LARGE1: variants seen among roughly 807,000 people sequenced by gnomAD.
The protein encoded by LARGE1 is LARGE xylosyl- and glucuronyltransferase 1.
In LARGE1, 43 loss-of-function variants were observed where a neutral mutation model predicts 87.6. The observed-to-expected ratio is 0.49, with a 90% CI of 0.38 to 0.63. The LOEUF (loss-of-function observed/expected upper bound fraction) is 0.63. Among genes scored for constraint, LARGE1 ranks in the 30% least tolerant of loss-of-function variants. The pLI is 0.00. For missense variants in LARGE1, 802 were observed against 1,000.2 expected (o/e 0.80, Z 2.67); for synonymous variants, 434 against 394.6 (o/e 1.10, Z -1.18).
At chr22:33,474,780 T>C (rs1390767411) in intron 6 of LARGE1, among the ~76,000 whole-genome samples, 4 of 151,930 alleles carry the variant, frequency 2.6e-5, no homozygotes, top group Non-Finnish European at 2.9e-5. Flanking sequence ...ATAAGGAGTG[T>C]GGAAAAAGAG....
chr22:33,238,410 C>T (rs375803135), intron 11 of LARGE1, among the ~76,000 whole-genome samples: 9 of 152,092 alleles, frequency 5.9e-5, no homozygotes, highest in East Asian at 5.8e-4. Flanking sequence ...AATCATAGGG[C>T]GTGATTTGAC....
In LARGE1 at chr22:33,384,180, C is replaced by A. The variant is rs1030394513; in HGVS notation, c.1005+12G>T. The A allele has an allele frequency of 4.4e-6, 7 of 1,596,400 alleles. No individual in the cohort carries two copies. The Admixed American group carries it at 6.7e-5, about 15-fold the overall frequency. ...CTCAGGAATAGCTGCACCTTCGAACCTGGCCACTCACCTGGTCAGCTAAGG... is the reference window on the plus strand; with the variant it reads ...CTCAGGAATAGCTGCACCTTCGAACATGGCCACTCACCTGGTCAGCTAAGG... On this transcript the variant is annotated intron_variant, in intron 8 of 14. Transcript: ENST00000397394.
At chr22:33,146,001 C>A in the LARGE1 span, among the ~76,000 whole-genome samples, 1 of 152,126 alleles carries the variant, frequency 6.6e-6, no homozygotes, top group Non-Finnish European at 1.5e-5. Flanking sequence ...ATTGAATACA[C>A]CATGAAAACT....
chr22:33,415,721 G>A (rs1216432693), intron 7 of LARGE1, among the ~76,000 whole-genome samples: 2 of 152,154 alleles, frequency 1.3e-5, no homozygotes, highest in Non-Finnish European at 2.9e-5. Context: ...CTGTGGATGG[G>A]AGCTTCTGCA....
chr22:33,663,925 G>T (rs868665383), intron 2 of LARGE1, among the ~76,000 whole-genome samples: 2 of 152,180 alleles, frequency 1.3e-5, no homozygotes, highest in Non-Finnish European at 2.9e-5. Flanking sequence ...TCCAACACCT[G>T]GCTCAATAAT....
intron 6 of LARGE1, among the ~76,000 whole-genome samples, chr22:33,559,103 T>C (rs1370788813): frequency 6.6e-6 from 1 of 152,364 alleles, no homozygotes. Flanking sequence ...ATTTATTGCT[T>C]GCAGTTCTAG....
intron 2 of LARGE1, among the ~76,000 whole-genome samples, chr22:33,713,614 C>T (rs969935590): frequency 2.6e-5 from 4 of 151,534 alleles, no homozygotes; most frequent in East Asian, 1.9e-4. Flanking sequence ...CATAAATGAT[C>T]GATCCATGTA....
At chr22:33,449,691 T>C (rs2067832498) in intron 6 of LARGE1, among the ~76,000 whole-genome samples, 1 of 152,240 alleles carries the variant, frequency 6.6e-6, no homozygotes, top group African/African-American at 2.4e-5. Context: ...GCCTGGTATA[T>C]ATGCGTCTCA....
intron 1 of LARGE1, among the ~76,000 whole-genome samples, chr22:33,881,029 T>A (rs1041900009): frequency 3.3e-5 from 5 of 152,074 alleles, no homozygotes; most frequent in African/African-American, 1.2e-4. Flanking sequence ...CAAACTGTCC[T>A]TGTCTACTTA....
chr22:33,583,644 G>A (rs2078584566), intron 5 of LARGE1, among the ~76,000 whole-genome samples: 1 of 152,108 alleles, frequency 6.6e-6, no homozygotes, highest in Admixed American at 6.5e-5. Context: ...AATAGGTCAG[G>A]GACATTGATT....
At chr22:33,840,271 T>C (rs554033210) in intron 1 of LARGE1, among the ~76,000 whole-genome samples, 2 of 152,218 alleles carry the variant, frequency 1.3e-5, no homozygotes, top group South Asian at 4.1e-4. Flanking sequence ...GGAAAAATAA[T>C]AGAATCCATG....
At chr22:33,140,964 C>A in the LARGE1 span, among the ~76,000 whole-genome samples, 1 of 151,856 alleles carries the variant, frequency 6.6e-6, no homozygotes, top group East Asian at 1.9e-4. Flanking sequence ...TACTACATGC[C>A]CTTAGGACAA....
intron 1 of LARGE1, among the ~76,000 whole-genome samples, chr22:33,909,745 A>G (rs1305016785): frequency 6.6e-6 from 1 of 151,772 alleles, no homozygotes; most frequent in Non-Finnish European, 1.5e-5. Context: ...TCACCGCGTT[A>G]GTCAAGATGG....
At chr22:33,270,355 C>T (rs1160982245), downstream of LARGE1, among the ~76,000 whole-genome samples, 3 of 152,046 alleles carry the variant, frequency 2.0e-5, no homozygotes, top group Admixed American at 6.6e-5. Flanking sequence ...CATGAAGATA[C>T]GACTGTACAA....
At chr22:33,834,918 GTTAATA>G (rs1178412610) in intron 1 of LARGE1, among the ~76,000 whole-genome samples, 3 of 152,214 alleles carry the variant, frequency 2.0e-5, no homozygotes, top group Non-Finnish European at 2.9e-5. Flanking sequence ...TTTCTATCAT[GTTAATA>G]TGCCTCAGCG....
At chr22:33,816,689 T>TAGATAGATAGACAGAC (rs1230056474) in intron 1 of LARGE1, among the ~76,000 whole-genome samples, 9 of 132,474 alleles carry the variant, frequency 6.8e-5, no homozygotes, top group African/African-American at 2.1e-4. Flanking sequence ...GATAGATAGA[T>TAGATAGATAGACAGAC]AGACAGACAG....
chr22:33,865,995 C>T (rs1453617134), intron 1 of LARGE1, among the ~76,000 whole-genome samples: 1 of 151,498 alleles, frequency 6.6e-6, no homozygotes, highest in Admixed American at 6.6e-5. Flanking sequence ...ACTACAGATG[C>T]ACACCACCAT....
intron 11 of LARGE1, among the ~76,000 whole-genome samples, chr22:33,244,132 G>A (rs1367204287): frequency 6.6e-6 from 1 of 151,602 alleles, no homozygotes; most frequent in African/African-American, 2.4e-5. Flanking sequence ...GGGATTACAG[G>A]CACCCGCCAC....
At chr22:33,530,185 C>T (rs2072126597) in intron 6 of LARGE1, among the ~76,000 whole-genome samples, 1 of 152,152 alleles carries the variant, frequency 6.6e-6, no homozygotes, top group Admixed American at 6.5e-5. Flanking sequence ...ACTCTGAAGA[C>T]AAGACACCTG....
Sources: allele counts gnomAD v4.1 joint callset (sites outside exome capture counted in the v4.1 genomes callset), GRCh38; gene constraint gnomAD v4.1.1; transcripts MANE v1.5; gene names NCBI Gene and HGNC (gene_info 2026-07-23, HGNC 2026-07-21).